Variants in ANO4 observed in about 807,000 individuals in gnomAD.
The protein encoded by ANO4 is anoctamin-4.
A neutral mutation model predicts 141.9 loss-of-function variants in ANO4; 69 were observed. The observed-to-expected ratio is 0.49, with a 90% CI of 0.40 to 0.59. ANO4 has a LOEUF of 0.59. ANO4 is among the 20% of genes least tolerant of loss of function. ANO4 has a pLI of 0.00. For missense variants in ANO4, 894 were observed against 1,162.2 expected, an observed-to-expected ratio of 0.77 and a Z score of 3.36; for synonymous variants, 350 against 394.3, an observed-to-expected ratio of 0.89 and a Z score of 1.33.
intron 7 of ANO4, among the ~76,000 whole-genome samples, chr12:100,980,009 G>A (rs2044384580): frequency 2.6e-5 from 4 of 151,748 alleles, no homozygotes; most frequent in Admixed American, 2.0e-4. Context: ...CAAAGTGCTG[G>A]GATTACAGGC....
chr12:100,995,069 A>G (rs557669516), intron 8 of ANO4, among the ~76,000 whole-genome samples: 12 of 151,178 alleles, frequency 7.9e-5, no homozygotes, highest in African/African-American at 2.7e-4. Flanking sequence ...TTTGAAGTCA[A>G]TTTAAAAGCA....
chr12:100,851,872 G>A (rs934054939), intron 1 of ANO4, among the ~76,000 whole-genome samples: 9 of 152,144 alleles, frequency 5.9e-5, no homozygotes, highest in African/African-American at 2.4e-5. Context: ...AAGGTCCTTA[G>A]TGGGAGTATG....
chr12:100,845,340 G>A (rs1044196045), intron 1 of ANO4, among the ~76,000 whole-genome samples: 33 of 152,220 alleles, frequency 2.2e-4, no homozygotes, highest in Middle Eastern at 3.4e-3. Flanking sequence ...AGTTGACCTG[G>A]GAGAGGACTG....
intron 15 of ANO4, among the ~76,000 whole-genome samples, chr12:101,081,344 C>T (rs2049269687): frequency 6.6e-6 from 1 of 152,092 alleles, no homozygotes; most frequent in Non-Finnish European, 1.5e-5. Context: ...CTAAACCAGT[C>T]TACAATCATT....
At chr12:101,006,725 T>C (rs1435466877) in intron 8 of ANO4, among the ~76,000 whole-genome samples, 2 of 152,184 alleles carry the variant, frequency 1.3e-5, no homozygotes, top group Admixed American at 6.5e-5. Flanking sequence ...CATGATACCA[T>C]TTCTATAAAG....
chr12:100,922,136 T>A, intron 2 of ANO4, 90 bp from the exon 3 acceptor site: 1 of 868,616 alleles, frequency 1.2e-6, no homozygotes, highest in Non-Finnish European at 1.6e-6. Flanking sequence ...GCCATTCACT[T>A]TGGATTTTGA....
chr12:101,072,362 G>A (rs1399708404), intron 14 of ANO4, among the ~76,000 whole-genome samples: 1 of 152,130 alleles, frequency 6.6e-6, no homozygotes, highest in Non-Finnish European at 1.5e-5. Flanking sequence ...GATAAAGGCT[G>A]CAAAAATATA....
At chr12:101,012,762 T>TA (rs1160059521) in intron 8 of ANO4, among the ~76,000 whole-genome samples, 5 of 152,126 alleles carry the variant, frequency 3.3e-5, no homozygotes, top group Non-Finnish European at 5.9e-5. Flanking sequence ...AATTAGATAG[T>TA]ACAGTTAGGA....
intron 14 of ANO4, among the ~76,000 whole-genome samples, chr12:101,069,955 C>T (rs938841164): frequency 4.0e-5 from 6 of 151,360 alleles, no homozygotes; most frequent in Admixed American, 6.6e-5. Flanking sequence ...ATGTCTTTGG[C>T]GTTTGTTTTT....
chr12:100,836,744 A>G (rs1485481314), intron 1 of ANO4, among the ~76,000 whole-genome samples: 1 of 152,108 alleles, frequency 6.6e-6, no homozygotes, highest in Non-Finnish European at 1.5e-5. Flanking sequence ...GAATAGGATG[A>G]CCCAAGGTCT....
intron 1 of ANO4, among the ~76,000 whole-genome samples, chr12:100,812,704 G>C (rs1288136259): frequency 6.6e-6 from 1 of 152,160 alleles, no homozygotes; most frequent in Non-Finnish European, 1.5e-5. Flanking sequence ...TAAACCATTT[G>C]CTCAGGTTGA....
intron 14 of ANO4, among the ~76,000 whole-genome samples, chr12:101,050,506 G>A (rs1374116899): frequency 6.6e-6 from 1 of 152,156 alleles, no homozygotes; most frequent in East Asian, 1.9e-4. Flanking sequence ...GAATCTATTA[G>A]TATCATACAC....
intron 3 of ANO4, among the ~76,000 whole-genome samples, chr12:100,923,486 A>T (rs1365769110): frequency 2.0e-5 from 3 of 152,082 alleles, no homozygotes; most frequent in African/African-American, 7.2e-5. Flanking sequence ...TTATGGCTGC[A>T]TAGTATTCCA....
chr12:101,116,588 T>C, intron 24 of ANO4, 91 bp from the exon 25 acceptor site: 3 of 1,578,260 alleles, frequency 1.9e-6, no homozygotes, highest in Non-Finnish European at 2.6e-6. Flanking sequence ...CATTTACAAT[T>C]GCAGTGACGT....
At chr12:101,003,339 G>A (rs780273826) in intron 8 of ANO4, among the ~76,000 whole-genome samples, 12 of 152,192 alleles carry the variant, frequency 7.9e-5, no homozygotes, top group Non-Finnish European at 1.2e-4. Flanking sequence ...AAAAAGTAAT[G>A]GCACAACCAC....
At chr12:100,745,542 A>G (rs751524748) in intron 3 of ANO4, among the ~76,000 whole-genome samples, 1 of 152,206 alleles carries the variant, frequency 6.6e-6, no homozygotes, top group African/African-American at 2.4e-5. Context: ...TTGAAACTGC[A>G]TATTAGACAC....
At chr12:100,961,582 G>A (rs978587787) in intron 5 of ANO4, among the ~76,000 whole-genome samples, 6 of 152,064 alleles carry the variant, frequency 3.9e-5, no homozygotes, top group African/African-American at 7.2e-5. Context: ...TAAAATATTC[G>A]GGAGCTACAT....
chr12:101,094,822 C>T (rs2049916328), intron 18 of ANO4, among the ~76,000 whole-genome samples: 4 of 150,222 alleles, frequency 2.7e-5, no homozygotes, highest in South Asian at 4.2e-4. Context: ...CCTGTCTCTA[C>T]AAAAAAATTA....
intron 2 of ANO4, among the ~76,000 whole-genome samples, chr12:100,914,147 C>T (rs557579348): frequency 2.0e-5 from 3 of 152,306 alleles, no homozygotes; most frequent in African/African-American, 7.2e-5. Flanking sequence ...CTTCCAGGCC[C>T]TCTAGGGAAC....
Sources: gnomAD v4.1 joint callset for allele counts (sites outside exome capture counted in the v4.1 genomes callset) on GRCh38, gnomAD v4.1.1 for gene constraint, MANE v1.5 for transcripts, NCBI Gene and HGNC (gene_info 2026-07-23, HGNC 2026-07-21) for gene names.